SATB1: variants seen among roughly 807,000 people sequenced by gnomAD.
SATB1 encodes the protein DNA-binding protein SATB1.
SATB1 carries 11 observed loss-of-function variants against 86.9 expected under a neutral mutation model. The ratio of observed to expected loss-of-function variants is 0.13; its 90% CI spans 0.08 to 0.21. SATB1 has a LOEUF of 0.21. SATB1 is among the 10% of genes least tolerant of loss of function. The pLI is 1.00. For synonymous variants in SATB1, 357 were observed against 357.2 expected (o/e 1.00, Z 0.01); for missense variants, 551 against 937.6 (o/e 0.59, Z 5.39).
chr3:18,362,195 A>G (rs1017745493), intron 9 of SATB1, among the ~76,000 whole-genome samples: 2 of 151,890 alleles, frequency 1.3e-5, no homozygotes, highest in East Asian at 3.9e-4. Flanking sequence ...CAATAATCTA[A>G]TTCTGATGGC....
chr3:18,360,354 T>C (rs930056026), intron 9 of SATB1, among the ~76,000 whole-genome samples: 1 of 152,144 alleles, frequency 6.6e-6, no homozygotes, highest in Non-Finnish European at 1.5e-5. Flanking sequence ...CTTCAGTGGC[T>C]TCCCAAGGTA....
Position 18,348,554 on chromosome 3 carries a change from C to A in SATB1, c.*616G>T, listed in dbSNP as rs1464625274. 1.3e-5 allele frequency: 2 copies of A among 151,900 alleles called. No homozygotes were observed. The highest frequency in any genetic ancestry group is 2.9e-5 in the Non-Finnish European group (2 of 67,864). 9.4% of individuals were successfully genotyped at this position (151,900 alleles called of 1,614,324 possible). On this transcript the variant is annotated 3_prime_UTR_variant, in exon 11 of 11. Transcript: ENST00000338745. ...TTTTCTTTTCCTTTTTTTAAAAAAT[C>A]ATGTAACAATGAGAATGAAAAAAAA...
At chr3:18,353,538 G>C (rs1559390062) in intron 9 of SATB1, among the ~76,000 whole-genome samples, 1 of 150,150 alleles carries the variant, frequency 6.7e-6, no homozygotes, top group East Asian at 1.9e-4. Flanking sequence ...TGGAAGTATA[G>C]TTTTTTTTTT....
At chr3:18,375,346 T>A (rs1010042451) in intron 9 of SATB1, among the ~76,000 whole-genome samples, 1 of 152,082 alleles carries the variant, frequency 6.6e-6, no homozygotes, top group Non-Finnish European at 1.5e-5. Flanking sequence ...ATGCAGATAA[T>A]CTATAATGCA....
upstream of SATB1, among the ~76,000 whole-genome samples, chr3:18,428,114 A>G (rs903871196): frequency 6.6e-6 from 1 of 152,224 alleles, no homozygotes; most frequent in Non-Finnish European, 1.5e-5. Flanking sequence ...TAATTTATAA[A>G]GAAAAGGAAT....
At chr3:18,415,372 C>T (rs960939908) in intron 4 of SATB1, 138 bp from the exon 5 acceptor site, 28 of 942,078 alleles carry the variant, frequency 3.0e-5, no homozygotes, top group African/African-American at 2.0e-4. Context: ...CTGATTGTTC[C>T]GATTAGTTAA....
At chr3:18,388,021 G>A (rs191681119) in intron 7 of SATB1, among the ~76,000 whole-genome samples, 29 of 152,218 alleles carry the variant, frequency 1.9e-4, no homozygotes, top group African/African-American at 6.7e-4. Context: ...CAGGTGCAGA[G>A]GGCTTCAGAG....
chr3:18,374,488 A>G (rs1695640750), intron 9 of SATB1, among the ~76,000 whole-genome samples: 1 of 151,918 alleles, frequency 6.6e-6, no homozygotes, highest in South Asian at 2.2e-4. Flanking sequence ...CAGAATATAA[A>G]GTGTATTCAT....
At chr3:18,410,463 C>A (rs1697775477) in intron 5 of SATB1, among the ~76,000 whole-genome samples, 1 of 151,978 alleles carries the variant, frequency 6.6e-6, no homozygotes, top group African/African-American at 2.4e-5. Context: ...ACATTCTGTG[C>A]CTCAGGTTCC....
chr3:18,348,420 G>C lies in SATB1; in HGVS notation c.*750C>G, dbSNP rs1240915682. 6.6e-6 allele frequency: 1 copy of C among 152,356 alleles called. No homozygotes were observed. The highest frequency in any genetic ancestry group is 1.9e-4 in the East Asian group (1 of 5,184). The allele number at this position is 152,356 out of a possible 1,614,324, so 9.4% of individuals were successfully genotyped here. ...TTTATAAATAGAAAAGAATCAGTAT[G>C]GTAACAAGAGAAGCAATATTACATT... On this transcript the variant is annotated 3_prime_UTR_variant, in exon 11 of 11. Coordinates refer to ENST00000338745, the MANE Select transcript of SATB1 (RefSeq NM_002971.6).
chr3:18,386,373 G>C lies in SATB1; in HGVS notation c.1419+26C>G. ...CATTAAAAAAAAGCTAAACAAAGAA[G>C]GGCAAGGAGGAAAAGGAGACCGCAC... On this transcript the variant is annotated intron_variant, in intron 8 of 10. Coordinates refer to ENST00000338745, the MANE Select transcript of SATB1 (RefSeq NM_002971.6). This position sits in a 1 kb window ranked among gnomAD's most constrained non-coding sequence, Gnocchi z 4.5. 1 of 1,572,344 alleles carries C rather than the reference G, an allele frequency of 6.4e-7. No individual in the cohort carries two copies. The highest frequency in any genetic ancestry group is 1.1e-5 in the South Asian group (1 of 89,346).
chr3:18,386,697 T>C lies in SATB1; in HGVS notation c.1207-86A>G, dbSNP rs1293207570. ...TCCTTCCCTTTTCTTCTCCACTCTG[T>C]TTAGAAAATGAACAGTCAGAGGCAT... On this transcript the variant is annotated intron_variant, in intron 7 of 10. Coordinates refer to ENST00000338745, the MANE Select transcript of SATB1 (RefSeq NM_002971.6). This position sits in a 1 kb window ranked among gnomAD's most constrained non-coding sequence, Gnocchi z 4.5. The C allele has an allele frequency of 7.4e-6, 8 of 1,082,198 alleles. No individual in the cohort carries two copies. Among genetic ancestry groups the C allele is most frequent in the Middle Eastern group, 5.1e-4 (2 of 3,950 alleles). The allele number at this position is 1,082,198 out of a possible 1,614,324, so 67.0% of individuals were successfully genotyped here.
chr3:18,436,876 A>T (rs1328327137), intron 1 of SATB1: 1 of 152,208 alleles, frequency 6.6e-6, no homozygotes, highest in African/African-American at 2.4e-5. Context: ...CAAGATCTAC[A>T]AATTCAAATC....
In SATB1 at chr3:18,423,759, A is replaced by T. The variant is rs1450184906; in HGVS notation, c.-157T>A. 3.3e-5 allele frequency: 5 copies of T among 151,588 alleles called. No individual in the cohort carries two copies. In the East Asian group the frequency reaches 7.7e-4, roughly 23 times the overall value. The allele number at this position is 151,588 out of a possible 1,614,324, so 9.4% of individuals were successfully genotyped here. On this transcript the variant is annotated 5_prime_UTR_variant, in exon 1 of 11. Coordinates refer to ENST00000338745, the MANE Select transcript of SATB1 (RefSeq NM_002971.6). ...TTTTTAATTAAAAAAAAAAAAATAA[A>T]AAAGCAGCAGACCTGAAGGCGACTT...
At chr3:18,373,433 T>C (rs374093009) in intron 9 of SATB1, among the ~76,000 whole-genome samples, 3 of 152,224 alleles carry the variant, frequency 2.0e-5, no homozygotes, top group African/African-American at 7.2e-5. Flanking sequence ...ATGCCTTCAC[T>C]AGCATGCTAG....
chr3:18,349,603 G>A lies in SATB1; in HGVS notation c.1859C>T (p.Thr620Ile), dbSNP rs1348354500. 2.5e-6 allele frequency: 4 copies of A among 1,613,512 alleles called. No homozygotes were observed. The highest frequency in any genetic ancestry group is 1.3e-5 in the African/African-American group (1 of 74,894). ...PPPQPQQQPQ[T>I]GPRLPPRQPT... ...TTGCCGTGGGGGGAGCCGAGGGCCT[G>A]TCTGTGGCTGCTGCTGTGGCTGTGG... is the stretch of plus-strand genomic sequence containing the variant. The change falls in exon 11 of 11, where the codon ACA (threonine) becomes ATA (isoleucine). Residue 620 changes from threonine (T) to isoleucine (I), a missense_variant. Thr to Ile is a moderately conservative substitution (Grantham distance 89). Coordinates refer to ENST00000338745, the MANE Select transcript of SATB1 (RefSeq NM_002971.6). The surrounding 1 kb of genome is among the most constrained non-coding windows in gnomAD (Gnocchi z 5.5).
chr3:18,412,529 T>C (rs1171450953), intron 5 of SATB1, among the ~76,000 whole-genome samples: 1 of 152,032 alleles, frequency 6.6e-6, no homozygotes, highest in Non-Finnish European at 1.5e-5. Flanking sequence ...TACAGTAAAA[T>C]GTGTATGGTG....
chr3:18,369,119 T>C (rs183192427), intron 9 of SATB1, among the ~76,000 whole-genome samples: 8 of 151,546 alleles, frequency 5.3e-5, no homozygotes, highest in African/African-American at 1.9e-4. Context: ...GCTTTTTGAG[T>C]GTCTGGTATC....
chr3:18,411,197 A>G (rs147166556), intron 5 of SATB1: 1 of 323,084 alleles, frequency 3.1e-6, no homozygotes, highest in Non-Finnish European at 5.5e-6. Context: ...GCTTAAAGAT[A>G]TCTTTTCCAG....
Sources: gnomAD v4.1 joint callset for allele counts (sites outside exome capture counted in the v4.1 genomes callset) on GRCh38, gnomAD v4.1.1 for gene constraint, Gnocchi (gnomAD v3.1) non-coding constraint, MANE v1.5 for transcripts, NCBI Gene and HGNC (gene_info 2026-07-23, HGNC 2026-07-21) for gene names.